LRRC69: variants seen among roughly 807,000 people sequenced by gnomAD.
LRRC69 encodes leucine rich repeat containing 69.
In LRRC69, 42 loss-of-function variants were observed where a neutral mutation model predicts 37.8. The observed-to-expected ratio is 1.11, with a 90% CI of 0.87 to 1.44. LRRC69 has a LOEUF of 1.44. Ranked by LOEUF, LRRC69 falls within the 40% of genes most tolerant of loss-of-function variation. LRRC69 has a pLI of 0.00. For synonymous variants in LRRC69, 141 were observed against 143.1 expected (o/e 0.99, Z 0.11); for missense variants, 357 against 401.9 (o/e 0.89, Z 0.96).
intron 5 of LRRC69, among the ~76,000 whole-genome samples, chr8:91,149,459 C>A (rs1243452608): frequency 6.6e-6 from 1 of 151,882 alleles, no homozygotes; most frequent in Admixed American, 6.6e-5. Context: ...TGTTTTGGTA[C>A]CAGTACCATG....
intron 4 of LRRC69, among the ~76,000 whole-genome samples, chr8:91,134,593 C>A (rs1175190059): frequency 1.3e-5 from 2 of 152,024 alleles, no homozygotes; most frequent in Non-Finnish European, 2.9e-5. Flanking sequence ...CCTCTAGAAA[C>A]AACCTCACAC....
chr8:91,205,826 G>A (rs1454169323), intron 7 of LRRC69, among the ~76,000 whole-genome samples: 1 of 152,068 alleles, frequency 6.6e-6, no homozygotes, highest in Non-Finnish European at 1.5e-5. Context: ...ATGTATATTG[G>A]GCTTTAGTGT....
At chr8:91,122,781 G>A (rs1813651371) in intron 1 of LRRC69, among the ~76,000 whole-genome samples, 1 of 151,956 alleles carries the variant, frequency 6.6e-6, no homozygotes, top group African/African-American at 2.4e-5. Flanking sequence ...ACCTTGTTTT[G>A]GAAGAGACTG....
At chr8:91,204,121 CA>C (rs768420210) in intron 7 of LRRC69, among the ~76,000 whole-genome samples, 3,219 of 52,474 alleles carry the variant, frequency 0.061, 72 homozygotes, top group African/African-American at 0.17. Flanking sequence ...GACTCCATCT[CA>C]AAAAAAAAAA....
Position 91,110,348 on chromosome 8 carries a change from G to T in LRRC69, c.183+7504G>T, listed in dbSNP as rs375811474. Among the ~76,000 whole-genome samples the T allele has an allele frequency of 7.9e-5, 12 of 152,060 alleles. No individual in the cohort carries two copies. In the East Asian group the frequency reaches 1.2e-3, roughly 15 times the overall value. On this transcript the variant is annotated intron_variant, in intron 1 of 7. Coordinates refer to ENST00000448384, the Ensembl canonical transcript of LRRC69. ...GAGAATTTTTTTAATACTTAAAAAG[G>T]TTTTATCTGGCCAGGTGCAGTGGCT... is the stretch of plus-strand genomic sequence containing the variant.
chr8:91,140,540 C>G (rs558999312), intron 5 of LRRC69, among the ~76,000 whole-genome samples: 2 of 150,920 alleles, frequency 1.3e-5, no homozygotes, highest in East Asian at 3.9e-4. Flanking sequence ...TAAAAAAATT[C>G]AATGTATACT....
In LRRC69 at chr8:91,178,139, C is replaced by T. The variant is rs191219952; in HGVS notation, c.652-11383C>T. 4.6e-3 allele frequency among the ~76,000 whole-genome samples: 697 copies of T among 152,274 alleles called. 6 individuals are homozygous for T. The highest frequency in any genetic ancestry group is 7.2e-3 in the Non-Finnish European group (487 of 68,006). On this transcript the variant is annotated intron_variant, in intron 5 of 7. Transcript: ENST00000448384. ...CTGGGATTACAGGCGTGAGCCACTGCGCCCGGCCTGTTTTCTGCTTTTCAA... is the reference window on the plus strand; with the variant it reads ...CTGGGATTACAGGCGTGAGCCACTGTGCCCGGCCTGTTTTCTGCTTTTCAA...
At chr8:91,176,446 C>T (rs1332698137) in intron 5 of LRRC69, among the ~76,000 whole-genome samples, 1 of 151,896 alleles carries the variant, frequency 6.6e-6, no homozygotes, top group Non-Finnish European at 1.5e-5. Flanking sequence ...TGCCCGGCCT[C>T]TAGGATATAT....
At chr8:91,121,667 A>G (rs1813624121) in intron 1 of LRRC69, among the ~76,000 whole-genome samples, 1 of 151,998 alleles carries the variant, frequency 6.6e-6, no homozygotes, top group South Asian at 2.1e-4. Context: ...TTATTTTTGT[A>G]TTAATTTGTT....
In LRRC69 at chr8:91,202,235, CAACA is replaced by C. The variant is rs201757955; in HGVS notation, c.933+1458_933+1461del. Among the ~76,000 whole-genome samples the C allele has an allele frequency of 1.4e-3, 194 of 143,338 alleles. 2 individuals are homozygous for C. The highest frequency in any genetic ancestry group is 4.6e-3 in the East Asian group (24 of 5,172). 94.0% of individuals were successfully genotyped at this position (143,338 alleles called of 152,430 possible). A position where few individuals can be genotyped will look rare whatever the true frequency, so the allele number is the denominator to read the frequency against. On this transcript the variant is annotated intron_variant, in intron 7 of 7. Transcript: ENST00000448384. ...AAAAACAAAAACAAAAACAAAAACA[CAACA>C]AACAAACAAACAAAAGAAAACAAGA... is the stretch of plus-strand genomic sequence containing the variant.
At chr8:91,190,439 C>T (rs1026948968) in intron 6 of LRRC69, among the ~76,000 whole-genome samples, 3 of 151,750 alleles carry the variant, frequency 2.0e-5, no homozygotes, top group Admixed American at 2.0e-4. Flanking sequence ...CAAAAAAAAG[C>T]CAATAGAAGT....
intron 7 of LRRC69, among the ~76,000 whole-genome samples, chr8:91,214,009 G>T (rs1480001406): frequency 6.6e-6 from 1 of 152,002 alleles, no homozygotes; most frequent in Non-Finnish European, 1.5e-5. Context: ...AAACCGGTGA[G>T]ATATATATGT....
intron 5 of LRRC69, among the ~76,000 whole-genome samples, chr8:91,145,430 T>C (rs989757511): frequency 2.0e-5 from 3 of 151,934 alleles, no homozygotes; most frequent in African/African-American, 7.2e-5. Flanking sequence ...ACTTTATTCT[T>C]GTTCCCATAT....
intron 5 of LRRC69, among the ~76,000 whole-genome samples, chr8:91,171,387 A>G (rs527295723): frequency 1.2e-4 from 18 of 152,096 alleles, no homozygotes; most frequent in African/African-American, 4.3e-4. Context: ...CACCTCCCCC[A>G]TAAACCGATT....
At chr8:91,118,165 A>G (rs947470260) in intron 1 of LRRC69, 2 of 455,610 alleles carry the variant, frequency 4.4e-6, no homozygotes, top group African/African-American at 2.0e-5. Context: ...GGGAAGGTAT[A>G]TAATTGCCCA....
intron 1 of LRRC69, among the ~76,000 whole-genome samples, chr8:91,110,459 G>A (rs150679652): frequency 0.023 from 3,542 of 152,086 alleles, 81 homozygotes; most frequent in Non-Finnish European, 0.036. Context: ...TACCAACATG[G>A]TGAAACCCCA....
At chr8:91,152,200 C>G (rs1808751965) in intron 5 of LRRC69, among the ~76,000 whole-genome samples, 1 of 151,556 alleles carries the variant, frequency 6.6e-6, no homozygotes, top group African/African-American at 2.4e-5. Flanking sequence ...ATCATAATAT[C>G]TTTGCGCATG....
At chr8:91,106,363 C>T (rs2130472248) in intron 1 of LRRC69, among the ~76,000 whole-genome samples, 1 of 152,066 alleles carries the variant, frequency 6.6e-6, no homozygotes, top group African/African-American at 2.4e-5. Flanking sequence ...GGTCATATTT[C>T]CCACAGAATG....
At chr8:91,184,016 A>G (rs910442406) in intron 5 of LRRC69, among the ~76,000 whole-genome samples, 4 of 152,198 alleles carry the variant, frequency 2.6e-5, no homozygotes, top group South Asian at 2.1e-4. Context: ...CACGTGTCTC[A>G]CATACCTGCA....
Sources: gnomAD v4.1 joint callset for allele counts (sites outside exome capture counted in the v4.1 genomes callset) on GRCh38, gnomAD v4.1.1 for gene constraint, MANE v1.5 for transcripts, NCBI Gene and HGNC (gene_info 2026-07-23, HGNC 2026-07-21) for gene names.